Variants in TMEM135 observed in about 807,000 individuals in gnomAD.
The protein encoded by TMEM135 is peroxisomal membrane protein 52.
Under a neutral mutation model 60.3 loss-of-function variants are expected in TMEM135, and 30 were observed. The ratio of observed to expected loss-of-function variants is 0.50; its 90% CI spans 0.37 to 0.68. The LOEUF (loss-of-function observed/expected upper bound fraction) is 0.68, where lower values mean the gene tolerates loss of function less well. TMEM135 is among the 30% of genes least tolerant of loss of function. TMEM135 has a pLI of 0.00. For missense variants in TMEM135, 468 were observed against 548.8 expected (o/e 0.85, Z 1.47); for synonymous variants, 190 against 186.7 (o/e 1.02, Z -0.14).
At chr11:87,056,636 T>C (rs1395800744) in intron 1 of TMEM135, among the ~76,000 whole-genome samples, 1 of 152,216 alleles carries the variant, frequency 6.6e-6, no homozygotes, top group East Asian at 1.9e-4. Flanking sequence ...ATCTTCTTTT[T>C]AGTGGAATTT....
chr11:87,144,270 A>G (rs1400732548), intron 4 of TMEM135, among the ~76,000 whole-genome samples: 2 of 152,200 alleles, frequency 1.3e-5, no homozygotes, highest in Non-Finnish European at 2.9e-5. Flanking sequence ...CCGAGTAGAT[A>G]AATACGGTGT....
At chr11:87,183,656 T>C (rs1030563496) in intron 5 of TMEM135, among the ~76,000 whole-genome samples, 3 of 152,040 alleles carry the variant, frequency 2.0e-5, no homozygotes, top group Non-Finnish European at 4.4e-5. Context: ...TTCTATATGC[T>C]ATGTGTTTAA....
chr11:87,060,165 G>T (rs10898589), intron 1 of TMEM135, among the ~76,000 whole-genome samples: 1 of 152,112 alleles, frequency 6.6e-6, no homozygotes, highest in Non-Finnish European at 1.5e-5. Context: ...AAGGAAGAGG[G>T]TAAAGTTAAT....
At chr11:87,181,304 A>G (rs939258724) in intron 5 of TMEM135, among the ~76,000 whole-genome samples, 2 of 152,162 alleles carry the variant, frequency 1.3e-5, no homozygotes, top group Non-Finnish European at 2.9e-5. Flanking sequence ...AAAAGACAAT[A>G]AAATGAGCAC....
chr11:87,070,527 G>A (rs1968740), intron 2 of TMEM135, among the ~76,000 whole-genome samples: 34,176 of 151,820 alleles, frequency 0.23, 4,396 homozygotes, highest in East Asian at 0.52. Flanking sequence ...CCAGCTACTC[G>A]GGAGGGGCTG....
chr11:87,148,084 T>C (rs1290724948), intron 4 of TMEM135, among the ~76,000 whole-genome samples: 1 of 152,204 alleles, frequency 6.6e-6, no homozygotes, highest in Non-Finnish European at 1.5e-5. Context: ...AAAGACATTG[T>C]AGACAGTTAT....
chr11:87,161,242 T>G (rs936135220), intron 5 of TMEM135, among the ~76,000 whole-genome samples: 7 of 152,168 alleles, frequency 4.6e-5, no homozygotes, highest in African/African-American at 1.7e-4. Flanking sequence ...AGGGGCTAAC[T>G]TTTAAAATAA....
chr11:87,187,274 C>T (rs622473), intron 5 of TMEM135, among the ~76,000 whole-genome samples: 19,719 of 152,118 alleles, frequency 0.13, 1,338 homozygotes, highest in Non-Finnish European at 0.15. Context: ...AGGTAAAGAG[C>T]AATAAGTTAG....
intron 5 of TMEM135, among the ~76,000 whole-genome samples, chr11:87,210,054 A>G (rs1385076416): frequency 6.6e-6 from 1 of 152,186 alleles, no homozygotes; most frequent in Non-Finnish European, 1.5e-5. Context: ...AGTGCTAAAC[A>G]CTTACAACAA....
intron 4 of TMEM135, among the ~76,000 whole-genome samples, chr11:87,102,973 C>T (rs1478693154): frequency 6.6e-6 from 1 of 152,056 alleles, no homozygotes; most frequent in African/African-American, 2.4e-5. Context: ...CCATTCTACT[C>T]TGTACTTCTA....
intron 6 of TMEM135, among the ~76,000 whole-genome samples, chr11:87,258,606 T>G (rs1188286995): frequency 6.6e-6 from 1 of 152,176 alleles, no homozygotes; most frequent in African/African-American, 2.4e-5. Flanking sequence ...TGGCCAGAGC[T>G]GGAATAACCA....
intron 5 of TMEM135, among the ~76,000 whole-genome samples, chr11:87,187,362 T>A (rs1939678439): frequency 6.6e-6 from 1 of 152,180 alleles, no homozygotes; most frequent in Non-Finnish European, 1.5e-5. Context: ...AATGTGTTCA[T>A]GTGAGATGAA....
At chr11:87,069,659 G>C (rs983805230) in intron 2 of TMEM135, among the ~76,000 whole-genome samples, 2 of 152,104 alleles carry the variant, frequency 1.3e-5, no homozygotes, top group East Asian at 3.9e-4. Context: ...TTTGAAATTT[G>C]AACTTAGAAT....
chr11:87,286,577 G>A (rs1020940011), intron 6 of TMEM135, among the ~76,000 whole-genome samples: 6 of 152,208 alleles, frequency 3.9e-5, no homozygotes, highest in East Asian at 1.9e-4. Context: ...AGGGGGCGGC[G>A]CCCGTCAGAG....
chr11:87,042,327 C>G (rs1257079681), intron 1 of TMEM135, among the ~76,000 whole-genome samples: 1 of 152,164 alleles, frequency 6.6e-6, no homozygotes, highest in East Asian at 1.9e-4. Flanking sequence ...GGGCAGGACC[C>G]TCTCTGGAAT....
At position 87,041,752 on chromosome 11, in the gene TMEM135, A is replaced by T. The variant is rs373251544; in HGVS notation, c.141+3566A>T. The stretch of plus-strand genomic sequence containing the variant: ...AATATATGTCTAAATGAGTGAAGGT[A>T]TGAATGAATAAGCATATGAATAGTG... On this transcript the variant is annotated intron_variant, in intron 1 of 14. Coordinates refer to ENST00000305494, the MANE Select transcript of TMEM135 (RefSeq NM_022918.4). Among the ~76,000 whole-genome samples, 5 of 152,362 alleles carry T rather than the reference A, an allele frequency of 3.3e-5. No homozygotes were observed. In the East Asian group the frequency reaches 9.6e-4, roughly 29 times the overall value.
chr11:87,256,411 G>GA (rs921392923), intron 6 of TMEM135, among the ~76,000 whole-genome samples: 30 of 152,244 alleles, frequency 2.0e-4, no homozygotes, highest in African/African-American at 6.7e-4. Flanking sequence ...ATGAAAAGAT[G>GA]AAAAAATGCA....
chr11:87,083,557 G>A (rs1288495871), intron 3 of TMEM135, among the ~76,000 whole-genome samples: 2 of 152,108 alleles, frequency 1.3e-5, no homozygotes, highest in African/African-American at 4.8e-5. Flanking sequence ...TCCAAACCAG[G>A]TATGACCAGA....
chr11:87,043,272 TA>T (rs1949766754), intron 1 of TMEM135, among the ~76,000 whole-genome samples: 1 of 152,012 alleles, frequency 6.6e-6, no homozygotes, highest in East Asian at 1.9e-4. Context: ...GTAGTTTTTT[TA>T]AAAAGCAGAT....
Sources: allele counts gnomAD v4.1 joint callset (sites outside exome capture counted in the v4.1 genomes callset), GRCh38; gene constraint gnomAD v4.1.1; transcripts MANE v1.5; gene names NCBI Gene and HGNC (gene_info 2026-07-23, HGNC 2026-07-21).